Variants in ZBTB20 observed in about 807,000 individuals in gnomAD.
ZBTB20 encodes the protein zinc finger and BTB domain-containing protein 20.
A neutral mutation model predicts 56.9 loss-of-function variants in ZBTB20; 9 were observed. That is an observed-to-expected ratio of 0.16 (90% CI 0.10 to 0.28). The LOEUF (loss-of-function observed/expected upper bound fraction) is 0.28. ZBTB20 is among the 10% of genes least tolerant of loss of function. ZBTB20 has a pLI of 1.00. For missense variants in ZBTB20, 655 were observed against 1,003.0 expected (o/e 0.65, Z 4.69); for synonymous variants, 417 against 420.7 (o/e 0.99, Z 0.11).
At chr3:114,996,849 A>T (rs2079048047) in intron 2 of ZBTB20, among the ~76,000 whole-genome samples, 1 of 151,946 alleles carries the variant, frequency 6.6e-6, no homozygotes, top group Non-Finnish European at 1.5e-5. Flanking sequence ...TCTCAAAAGA[A>T]GACATTTATG....
chr3:114,727,472 G>T (rs2065392595), intron 5 of ZBTB20, among the ~76,000 whole-genome samples: 1 of 152,150 alleles, frequency 6.6e-6, no homozygotes, highest in Non-Finnish European at 1.5e-5. Context: ...TTCTACCTAG[G>T]CATGGGCCAC....
intron 7 of ZBTB20, among the ~76,000 whole-genome samples, chr3:114,433,183 T>A (rs969480708): frequency 3.3e-5 from 5 of 152,122 alleles, no homozygotes; most frequent in African/African-American, 1.2e-4. Context: ...AGAAGCCTGA[T>A]AAAGAGGCCA....
intron 6 of ZBTB20, among the ~76,000 whole-genome samples, chr3:114,677,922 G>T (rs1462760753): frequency 6.6e-6 from 1 of 151,440 alleles, no homozygotes; most frequent in Non-Finnish European, 1.5e-5. Flanking sequence ...AAAGATTTTT[G>T]CCCATAAGAA....
intron 5 of ZBTB20, among the ~76,000 whole-genome samples, chr3:114,743,132 G>T (rs1226375677): frequency 6.6e-6 from 1 of 152,064 alleles, no homozygotes; most frequent in Non-Finnish European, 1.5e-5. Flanking sequence ...TCATATCTAT[G>T]TACAGGCTAT....
At chr3:114,358,441 T>C (rs537084409) in intron 10 of ZBTB20, among the ~76,000 whole-genome samples, 1 of 152,346 alleles carries the variant, frequency 6.6e-6, no homozygotes, top group Non-Finnish European at 1.5e-5. Flanking sequence ...ATAAGAGCTT[T>C]ATACTTTATC....
chr3:115,127,832 T>C (rs1403459217), intron 1 of ZBTB20, among the ~76,000 whole-genome samples: 2 of 152,180 alleles, frequency 1.3e-5, no homozygotes, highest in Admixed American at 6.5e-5. Flanking sequence ...CAGGTCTTGA[T>C]AGAAGACACC....
intron 7 of ZBTB20, among the ~76,000 whole-genome samples, chr3:114,428,750 C>T (rs529321501): frequency 1.3e-3 from 199 of 152,316 alleles, no homozygotes; most frequent in Admixed American, 2.5e-3. Flanking sequence ...TAGGATACCT[C>T]TCAAAAAGAT....
At chr3:114,899,647 T>C (rs146147167) in intron 4 of ZBTB20, among the ~76,000 whole-genome samples, 19 of 152,276 alleles carry the variant, frequency 1.2e-4, no homozygotes, top group African/African-American at 3.6e-4. Flanking sequence ...TAAGAATCTT[T>C]CAGAGTCAGA....
chr3:114,537,375 A>G (rs914228515), intron 6 of ZBTB20, among the ~76,000 whole-genome samples: 5 of 152,246 alleles, frequency 3.3e-5, no homozygotes, highest in African/African-American at 1.2e-4. Context: ...GTCAACGAAC[A>G]TATGAAAAAA....
At chr3:114,647,363 T>C (rs187695357) in intron 6 of ZBTB20, among the ~76,000 whole-genome samples, 22 of 152,316 alleles carry the variant, frequency 1.4e-4, no homozygotes, top group African/African-American at 5.3e-4. Context: ...TGTTCACCAT[T>C]TCCTTCCTTA....
chr3:114,351,186 T>TCTG lies in ZBTB20; in HGVS notation c.889_891dup (p.Gln297dup). ...GGGGTGGTGGACAGGTAGCGCTCCATCTGCTGCGAGCGCTCATGGATGCGT... is the reference window on the plus strand; with the variant it reads ...GGGGTGGTGGACAGGTAGCGCTCCATCTGCTGCTGCGAGCGCTCATGGATGCGT... On this transcript the variant is annotated inframe_insertion, in exon 11 of 12. Transcript: ENST00000675478. 6.2e-7 allele frequency: 1 copy of TCTG among 1,602,234 alleles called. No individual in the cohort carries two copies. The highest frequency in any genetic ancestry group is 8.5e-7 in the Non-Finnish European group (1 of 1,179,712).
At chr3:114,966,552 T>C (rs1292502049) in intron 3 of ZBTB20, among the ~76,000 whole-genome samples, 1 of 152,090 alleles carries the variant, frequency 6.6e-6, no homozygotes, top group Non-Finnish European at 1.5e-5. Flanking sequence ...TCCATTTTAT[T>C]TTATCGGTGT....
At chr3:115,065,939 A>G (rs1305848696) in intron 2 of ZBTB20, among the ~76,000 whole-genome samples, 1 of 152,184 alleles carries the variant, frequency 6.6e-6, no homozygotes, top group Non-Finnish European at 1.5e-5. Context: ...GCTTTTGGAT[A>G]TAAAATGGAG....
chr3:114,768,819 A>G (rs1341560735), intron 5 of ZBTB20, among the ~76,000 whole-genome samples: 1 of 152,188 alleles, frequency 6.6e-6, no homozygotes, highest in Non-Finnish European at 1.5e-5. Flanking sequence ...CTTCATTAAT[A>G]TCACAAATCT....
chr3:115,120,726 G>A (rs76312157), intron 1 of ZBTB20, among the ~76,000 whole-genome samples: 2,319 of 152,150 alleles, frequency 0.015, 33 homozygotes, highest in South Asian at 0.049. Flanking sequence ...ACTAGTTCAC[G>A]AGAAAGCTGG....
chr3:114,805,468 G>C lies in ZBTB20; in HGVS notation c.-416-4294C>G, dbSNP rs1223230372. 2.7e-5 allele frequency among the ~76,000 whole-genome samples: 4 copies of C among 147,096 alleles called. No homozygotes were observed. The East Asian group carries it at 8.3e-4, about 30-fold the overall frequency. ...AACTAGATTCGGATTATAGGTTTTA[G>C]AGAAGAATACAAAAGAGGTGATGTG... On this transcript the variant is annotated intron_variant, in intron 4 of 11. Transcript: ENST00000675478.
At chr3:115,078,201 A>AT (rs1186286997) in intron 1 of ZBTB20, among the ~76,000 whole-genome samples, 1 of 152,208 alleles carries the variant, frequency 6.6e-6, no homozygotes, top group African/African-American at 2.4e-5. Context: ...TAATCTTGTT[A>AT]TTTGTATATC....
intron 2 of ZBTB20, among the ~76,000 whole-genome samples, chr3:115,030,753 T>C (rs553721055): frequency 5.9e-5 from 9 of 151,354 alleles, no homozygotes; most frequent in East Asian, 3.9e-4. Flanking sequence ...TAGGTATATA[T>C]TGATATTCCT....
chr3:114,775,736 G>A (rs1435362631), intron 5 of ZBTB20, among the ~76,000 whole-genome samples: 1 of 152,108 alleles, frequency 6.6e-6, no homozygotes, highest in African/African-American at 2.4e-5. Flanking sequence ...AAGACCCACT[G>A]CTATGGTACA....
Sources: gnomAD v4.1 joint callset for allele counts (sites outside exome capture counted in the v4.1 genomes callset) on GRCh38, gnomAD v4.1.1 for gene constraint, MANE v1.5 for transcripts, NCBI Gene and HGNC (gene_info 2026-07-23, HGNC 2026-07-21) for gene names.